GAS7: variants seen among roughly 807,000 people sequenced by gnomAD.
The protein encoded by GAS7 is growth arrest-specific protein 7.
Under a neutral mutation model 71.1 loss-of-function variants are expected in GAS7, and 28 were observed. The observed-to-expected ratio is 0.39, with a 90% CI of 0.29 to 0.54. The LOEUF is 0.54. GAS7 is among the 20% of genes least tolerant of loss of function. The pLI, the probability that GAS7 is intolerant of heterozygous loss-of-function variation, is 0.62. For synonymous variants in GAS7, 258 were observed against 245.8 expected, an observed-to-expected ratio of 1.05 and a Z score of -0.46; for missense variants, 436 against 627.8, an observed-to-expected ratio of 0.69 and a Z score of 3.27.
intron 1 of GAS7, among the ~76,000 whole-genome samples, chr17:10,093,119 T>G (rs915424202): frequency 6.6e-6 from 1 of 152,174 alleles, no homozygotes; most frequent in Non-Finnish European, 1.5e-5. Context: ...TTTTAGGGTT[T>G]TAGGAAAGGG....
chr17:10,001,372 A>G (rs896516558), intron 2 of GAS7, among the ~76,000 whole-genome samples: 3 of 152,160 alleles, frequency 2.0e-5, no homozygotes, highest in African/African-American at 7.2e-5. Context: ...CAGAAAAGTA[A>G]AAAGAGGAAA....
intron 2 of GAS7, among the ~76,000 whole-genome samples, chr17:10,011,489 A>G (rs1484966919): frequency 2.0e-5 from 3 of 152,170 alleles, no homozygotes; most frequent in Non-Finnish European, 4.4e-5. Context: ...AGAAGTGAAC[A>G]TATCCACTAA....
chr17:10,186,105 C>T (rs2074450377), intron 1 of GAS7, among the ~76,000 whole-genome samples: 1 of 149,222 alleles, frequency 6.7e-6, no homozygotes. Context: ...CAGGTGCCCA[C>T]CATGCCCAGC....
At position 9,915,090 on chromosome 17, in the gene GAS7, G is replaced by A; in HGVS notation, c.*2138C>T. 4.3e-6 allele frequency: 1 copy of A among 231,664 alleles called. No individual in the cohort carries two copies. Among genetic ancestry groups the A allele is most frequent in the East Asian group, 6.1e-5 (1 of 16,402 alleles). 14.4% of individuals were successfully genotyped at this position (231,664 alleles called of 1,614,324 possible). A position where few individuals can be genotyped will look rare whatever the true frequency, so the allele number is the denominator to read the frequency against. ...TACGTGAAGGGGGTAAAGAGAAGGA[G>A]GTGAGGGGATGAGGGGGGAAAGAGT... is the stretch of plus-strand genomic sequence containing the variant. On this transcript the variant is annotated 3_prime_UTR_variant, in exon 14 of 14. Coordinates refer to ENST00000432992, the MANE Select transcript of GAS7 (RefSeq NM_201433.2).
chr17:10,158,885 T>C (rs1178549626), intron 1 of GAS7, among the ~76,000 whole-genome samples: 1 of 151,082 alleles, frequency 6.6e-6, no homozygotes, highest in African/African-American at 2.4e-5. Flanking sequence ...TGAAACCTCA[T>C]CTCTTCTAAA....
In GAS7 at chr17:10,153,508, T is replaced by G. The variant is rs9896004; in HGVS notation, c.183+44700A>C. Among the ~76,000 whole-genome samples, 3,455 of 123,620 alleles carry G rather than the reference T, an allele frequency of 0.028. 303 individuals are homozygous for G. In the East Asian group the frequency reaches 0.34, roughly 12 times the overall value. 81.1% of individuals were successfully genotyped at this position (123,620 alleles called of 152,430 possible). ...TCCAGCCTGGGTGACAGAGTGAGAC[T>G]CTTTGACTCACAAAAAAAAAAAAAA... On this transcript the variant is annotated intron_variant, in intron 1 of 13. Transcript: ENST00000432992.
chr17:9,924,985 CAA>C (rs1567777796), intron 11 of GAS7, among the ~76,000 whole-genome samples: 1 of 152,208 alleles, frequency 6.6e-6, no homozygotes, highest in East Asian at 1.9e-4. Flanking sequence ...TTTCTTTAAA[CAA>C]AGTGTCAGCC....
chr17:9,999,920 A>G (rs1198282398), intron 2 of GAS7, among the ~76,000 whole-genome samples: 1 of 152,212 alleles, frequency 6.6e-6, no homozygotes, highest in African/African-American at 2.4e-5. Flanking sequence ...CCTCCCTGCA[A>G]AGAGGACTGA....
chr17:9,927,290 T>TAC (rs371084335), intron 9 of GAS7, among the ~76,000 whole-genome samples: 23,257 of 116,674 alleles, frequency 0.2, 2,465 homozygotes, highest in Middle Eastern at 0.26. Flanking sequence ...CTCTACTACA[T>TAC]ACACACACAC....
chr17:9,959,550 C>A lies in GAS7; in HGVS notation c.472-295G>T. The A allele has an allele frequency of 2.1e-6, 2 of 938,796 alleles. No individual in the cohort carries two copies. Among genetic ancestry groups the A allele is most frequent in the East Asian group, 3.1e-5 (1 of 32,378 alleles). The allele number at this position is 938,796 out of a possible 1,614,324, so 58.2% of individuals were successfully genotyped here. A position where few individuals can be genotyped will look rare whatever the true frequency, so the allele number is the denominator to read the frequency against. On this transcript the variant is annotated intron_variant, in intron 4 of 13. Transcript: ENST00000432992. This position sits in a 1 kb window ranked among gnomAD's most constrained non-coding sequence, Gnocchi z 5.0. ...CTCAGTCTGTGATTTGGGGAGTTAA[C>A]CCCTCCGCTGCCCTCTGCTGGTGAA...
chr17:10,116,183 T>G (rs1009705482), intron 1 of GAS7, among the ~76,000 whole-genome samples: 2 of 151,798 alleles, frequency 1.3e-5, no homozygotes, highest in African/African-American at 4.8e-5. Context: ...TGGTGGCGTG[T>G]GCCTGTGGTC....
At chr17:10,086,252 T>C (rs768703960) in intron 1 of GAS7, among the ~76,000 whole-genome samples, 3 of 152,338 alleles carry the variant, frequency 2.0e-5, no homozygotes, top group African/African-American at 7.2e-5. Flanking sequence ...GCATGCTCAC[T>C]GTTGTCCATA....
chr17:10,125,080 AG>A (rs1555535277), intron 1 of GAS7, among the ~76,000 whole-genome samples: 2 of 149,648 alleles, frequency 1.3e-5, no homozygotes, highest in Non-Finnish European at 3.0e-5. Context: ...AAAAAAAAAA[AG>A]GGGGGGTGTG....
intron 1 of GAS7, among the ~76,000 whole-genome samples, chr17:10,051,001 T>C (rs560466266): frequency 2.0e-5 from 3 of 152,280 alleles, no homozygotes; most frequent in African/African-American, 4.8e-5. Flanking sequence ...CAGACATCCA[T>C]GTGCTTACCC....
intron 1 of GAS7, among the ~76,000 whole-genome samples, chr17:10,096,107 C>T (rs1379641794): frequency 6.6e-6 from 1 of 152,136 alleles, no homozygotes; most frequent in Non-Finnish European, 1.5e-5. Flanking sequence ...GCGCCAAGGC[C>T]CCAACTTGTC....
At chr17:10,171,544 A>C (rs1184005280) in intron 1 of GAS7, among the ~76,000 whole-genome samples, 2 of 152,228 alleles carry the variant, frequency 1.3e-5, no homozygotes, top group East Asian at 3.8e-4. Flanking sequence ...CTTCTTTTGG[A>C]CTTGAAAATT....
intron 9 of GAS7, among the ~76,000 whole-genome samples, chr17:9,933,753 G>A (rs62064526): frequency 0.22 from 32,992 of 152,088 alleles, 3,974 homozygotes; most frequent in Non-Finnish European, 0.27. Flanking sequence ...GCTGAGGTGG[G>A]AGAATCGTTT....
intron 2 of GAS7, among the ~76,000 whole-genome samples, chr17:10,017,172 A>AT (rs561660913): frequency 1.2e-3 from 176 of 149,102 alleles, no homozygotes; most frequent in African/African-American, 4.4e-3. Flanking sequence ...AAATAAATAA[A>AT]TAAATAAAGA....
At chr17:10,141,642 T>C (rs1401979479) in intron 1 of GAS7, among the ~76,000 whole-genome samples, 1 of 152,070 alleles carries the variant, frequency 6.6e-6, no homozygotes, top group Non-Finnish European at 1.5e-5. Context: ...GCCAAAGCTC[T>C]GGAATCACAG....
Sources: gnomAD v4.1 joint callset for allele counts (sites outside exome capture counted in the v4.1 genomes callset) on GRCh38, gnomAD v4.1.1 for gene constraint, Gnocchi (gnomAD v3.1) non-coding constraint, MANE v1.5 for transcripts, NCBI Gene and HGNC (gene_info 2026-07-23, HGNC 2026-07-21) for gene names.